Variants in CEP78 observed in about 807,000 individuals in gnomAD.
CEP78 encodes centrosomal protein of 78 kDa.
A neutral mutation model predicts 81.2 loss-of-function variants in CEP78; 76 were observed. The observed-to-expected ratio is 0.94, with a 90% confidence interval of 0.78 to 1.13. The LOEUF is 1.13. Among genes scored for constraint, CEP78 ranks in the 50% most tolerant of loss-of-function variants. The pLI, the probability that CEP78 is intolerant of heterozygous loss-of-function variation, is 0.00. For synonymous variants in CEP78, 293 were observed against 301.4 expected (o/e 0.97, Z 0.29); for missense variants, 918 against 846.8 (o/e 1.08, Z -1.04).
intron 11 of CEP78, among the ~76,000 whole-genome samples, chr9:78,258,909 A>G (rs771991256): frequency 1.3e-5 from 2 of 152,184 alleles, no homozygotes; most frequent in African/African-American, 2.4e-5. Flanking sequence ...CTTACACCGG[A>G]AGTATAAGTG....
At chr9:78,257,051 CAT>C (rs1166213650) in intron 11 of CEP78, among the ~76,000 whole-genome samples, 1 of 149,586 alleles carries the variant, frequency 6.7e-6, no homozygotes, top group Non-Finnish European at 1.5e-5. Flanking sequence ...GGAGGTCTAA[CAT>C]GTTACTGTAA....
chr9:78,236,341 CCCTCGGG>C lies in CEP78; in HGVS notation c.-7_-1del. The C allele has an allele frequency of 1.3e-6, 2 of 1,558,606 alleles. No individual in the cohort carries two copies. Among genetic ancestry groups the C allele is most frequent in the Non-Finnish European group, 1.7e-6 (2 of 1,157,594 alleles). ...CCGCGGCGGGCATCCCCCGAGGCCG[CCCTCGGG>C]CCATGATCGACTCCGTGAAGCTGCG... is the stretch of plus-strand genomic sequence containing the variant. On this transcript the variant is annotated 5_prime_UTR_variant, in exon 1 of 17. Coordinates refer to ENST00000643273, the MANE Select transcript of CEP78 (RefSeq NM_001330691.3).
intron 14 of CEP78, 122 bp from the exon 15 acceptor site, chr9:78,265,734 TAAG>T (rs1340526701): frequency 4.0e-6 from 3 of 752,562 alleles, no homozygotes; most frequent in Non-Finnish European, 6.5e-6. Flanking sequence ...AAATAAAAAA[TAAG>T]AAAGTTCTTT....
intron 8 of CEP78, chr9:78,249,883 G>A (rs1212079592): frequency 5.9e-6 from 1 of 170,194 alleles, no homozygotes. Context: ...CCAGAAAAAG[G>A]TTTGTGGTGA....
chr9:78,243,161 A>T (rs1269355783), intron 4 of CEP78, among the ~76,000 whole-genome samples: 1 of 152,202 alleles, frequency 6.6e-6, no homozygotes, highest in Non-Finnish European at 1.5e-5. Context: ...CAGTACCTTC[A>T]CTTGGCATAT....
At chr9:78,236,738 C>A in intron 1 of CEP78, 135 bp downstream of exon 1, 1 of 1,175,334 alleles carries the variant, frequency 8.5e-7, no homozygotes, top group Non-Finnish European at 1.2e-6. Flanking sequence ...AGGTGAGTGG[C>A]TTAAGGTCTC....
intron 5 of CEP78, among the ~76,000 whole-genome samples, chr9:78,245,400 C>CGT (rs950824801): frequency 3.3e-5 from 5 of 151,870 alleles, no homozygotes; most frequent in Non-Finnish European, 7.4e-5. Flanking sequence ...ACTCTAGTCT[C>CGT]TTTTTTTTCT....
rs1827342144 is a variant in CEP78, at chr9:78,262,948, A to G, written c.1422A>G (p.Arg474=). The G allele has an allele frequency of 6.5e-7, 1 of 1,547,220 alleles. No individual in the cohort carries two copies. The highest frequency in any genetic ancestry group is 8.7e-7 in the Non-Finnish European group (1 of 1,144,348). ...EECLKQLKEE[R]VIRLKVDKRV... ...GCCTAAAGCAGTTAAAGGAAGAAAG[A>G]GTGATAAGGCTTAAGGTTGATAAAC... The change falls in exon 12 of 17, where the codon AGA becomes AGG. Residue 474 remains arginine, a synonymous_variant. Transcript: ENST00000643273.
intron 8 of CEP78, 46 bp from the exon 9 acceptor site, chr9:78,251,861 GA>G: frequency 6.5e-7 from 1 of 1,549,100 alleles, no homozygotes. Flanking sequence ...TTCATCTGTA[GA>G]CCTTTAGTGC....
In CEP78 at chr9:78,272,176, C is replaced by T. The variant is rs2118533855; in HGVS notation, c.*1325C>T. 6.6e-6 allele frequency: 1 copy of T among 152,436 alleles called. No homozygotes were observed. Among genetic ancestry groups the T allele is most frequent in the East Asian group, 1.9e-4 (1 of 5,178 alleles). 9.4% of individuals were successfully genotyped at this position (152,436 alleles called of 1,614,324 possible). A position where few individuals can be genotyped will look rare whatever the true frequency, so the allele number is the denominator to read the frequency against. ...CAGGTGATTCACCCACCTCGGCCTC[C>T]CAAAGTGCTGGGATTACAGGCATGA... is the stretch of plus-strand genomic sequence containing the variant. On this transcript the variant is annotated 3_prime_UTR_variant, in exon 17 of 17. Coordinates refer to ENST00000643273, the MANE Select transcript of CEP78 (RefSeq NM_001330691.3).
intron 13 of CEP78, among the ~76,000 whole-genome samples, 200 bp from the exon 14 acceptor site, chr9:78,265,172 G>C (rs1343758614): frequency 6.6e-6 from 1 of 152,202 alleles, no homozygotes; most frequent in Non-Finnish European, 1.5e-5. Context: ...TAAAGGATTG[G>C]ATGATATGAT....
intron 11 of CEP78, among the ~76,000 whole-genome samples, chr9:78,255,725 A>G (rs565714686): frequency 3.9e-5 from 6 of 152,330 alleles, no homozygotes; most frequent in African/African-American, 1.4e-4. Context: ...AGAGGGAAAA[A>G]TCTATAGATA....
chr9:78,236,227 C>G lies in CEP78; in HGVS notation c.-124C>G, dbSNP rs115171840. ...CCGACCGAATCACCGCTCCTGAGCC[C>G]GGTGCGGGGCTGCCGCTATCGCCTG... On this transcript the variant is annotated 5_prime_UTR_variant, in exon 1 of 17. Transcript: ENST00000643273. 6 of 824,304 alleles carry G rather than the reference C, an allele frequency of 7.3e-6. No individual in the cohort carries two copies. The highest frequency in any genetic ancestry group is 1.1e-5 in the Non-Finnish European group (6 of 547,296). 51.1% of individuals were successfully genotyped at this position (824,304 alleles called of 1,614,324 possible).
chr9:78,253,072 C>G (rs1431815233), intron 9 of CEP78, among the ~76,000 whole-genome samples, 160 bp from the exon 10 acceptor site: 2 of 152,182 alleles, frequency 1.3e-5, no homozygotes, highest in East Asian at 3.8e-4. Flanking sequence ...GTTCAATTTT[C>G]TCCATAGCAG....
chr9:78,252,174 C>T (rs1447001300), intron 9 of CEP78, 131 bp downstream of exon 9: 5 of 735,052 alleles, frequency 6.8e-6, no homozygotes, highest in Non-Finnish European at 1.0e-5. Context: ...GCTTCTGCCT[C>T]ATGAATCCTT....
At chr9:78,266,383 C>T (rs79130026) in intron 15 of CEP78, 59 bp from the exon 16 acceptor site, 3 of 1,323,724 alleles carry the variant, frequency 2.3e-6, no homozygotes, top group East Asian at 2.3e-5. Context: ...GTTTTGAACT[C>T]GATTTTTAAA....
chr9:78,245,014 T>A (rs1826413236), intron 5 of CEP78, among the ~76,000 whole-genome samples: 2 of 152,190 alleles, frequency 1.3e-5, no homozygotes, highest in Non-Finnish European at 2.9e-5. Flanking sequence ...TAGTGAGATT[T>A]ACTGGCTATT....
intron 15 of CEP78, 85 bp from the exon 16 acceptor site, chr9:78,266,357 A>C (rs1245367259): frequency 9.9e-7 from 1 of 1,005,804 alleles, no homozygotes; most frequent in South Asian, 1.6e-5. Context: ...TTCTAAGATC[A>C]CAGAATAACA....
chr9:78,241,396 T>C (rs1826221494), intron 3 of CEP78, among the ~76,000 whole-genome samples: 1 of 152,192 alleles, frequency 6.6e-6, no homozygotes, highest in Non-Finnish European at 1.5e-5. Context: ...TTTTATGTTT[T>C]TCTTTCAGAT....
Sources: gnomAD v4.1 joint callset for allele counts (sites outside exome capture counted in the v4.1 genomes callset) on GRCh38, gnomAD v4.1.1 for gene constraint, MANE v1.5 for transcripts, NCBI Gene and HGNC (gene_info 2026-07-23, HGNC 2026-07-21) for gene names.